The following SGIP1 variants were observed in gnomAD, a reference collection of about 807,000 sequenced individuals.
The protein encoded by SGIP1 is SH3GL interacting endocytic adaptor 1.
SGIP1 carries 38 observed loss-of-function variants against 107.5 expected under a neutral mutation model. The ratio of observed to expected loss-of-function variants is 0.35; its 90% CI spans 0.27 to 0.46. The LOEUF (loss-of-function observed/expected upper bound fraction) is 0.46, where lower values mean the gene tolerates loss of function less well. Ranked by LOEUF, SGIP1 falls within the 20% of genes least tolerant of loss-of-function variation. The probability of loss-of-function intolerance (pLI) is 1.00; values close to 1 mark genes in which losing one functional copy is unlikely to be tolerated. For synonymous variants in SGIP1, 365 were observed against 366.1 expected, an observed-to-expected ratio of 1.00 and a Z score of 0.03; for missense variants, 929 against 1,019.5, an observed-to-expected ratio of 0.91 and a Z score of 1.21.
intron 1 of SGIP1, among the ~76,000 whole-genome samples, chr1:66,569,758 T>A (rs1329276547): frequency 6.6e-6 from 1 of 151,836 alleles, no homozygotes; most frequent in African/African-American, 2.4e-5. Context: ...TTAGTAAATA[T>A]CCTTTCTTCT....
rs890229895 is a variant in SGIP1 at position 66,741,774 on chromosome 1, T to TA, written c.2464+338_2464+339insA. The stretch of plus-strand genomic sequence containing the variant: ...TTTTTGCCTTTTATTTTTATTTATT[T>TA]TTTTTTTTGGTGAGACGGAGTCTCT... On this transcript the variant is annotated intron_variant, in intron 24 of 24. Transcript: ENST00000371037. 9.2e-5 allele frequency among the ~76,000 whole-genome samples: 14 copies of TA among 152,026 alleles called. No individual in the cohort carries two copies. In the South Asian group the frequency reaches 1.0e-3, roughly 11 times the overall value.
At chr1:66,699,274 G>A (rs1393000842) in intron 18 of SGIP1, among the ~76,000 whole-genome samples, 1 of 152,012 alleles carries the variant, frequency 6.6e-6, no homozygotes. Context: ...CCCTATTGCT[G>A]CTTCCAAAGC....
intron 1 of SGIP1, among the ~76,000 whole-genome samples, chr1:66,554,576 C>G (rs2057909848): frequency 6.6e-6 from 1 of 152,038 alleles, no homozygotes. Flanking sequence ...AAAATGCAAT[C>G]AAAACTTTGT....
At position 66,695,224 on chromosome 1, in the gene SGIP1, T is replaced by C; in HGVS notation, c.1571-210T>C. 3.9e-6 allele frequency: 4 copies of C among 1,035,784 alleles called. No homozygotes were observed. The South Asian group carries it at 6.5e-5, about 17-fold the overall frequency. 64.2% of individuals were successfully genotyped at this position (1,035,784 alleles called of 1,614,324 possible). On this transcript the variant is annotated intron_variant, in intron 17 of 24. Coordinates refer to ENST00000371037, the MANE Select transcript of SGIP1 (RefSeq NM_032291.4). ...ACATTCCCATTCCTTTAGGCCTCCA[T>C]AGCTTTGCTTTTGCTTTCTGTTTCC...
Position 66,679,668 on chromosome 1 carries a change from C to A in SGIP1, c.740-10C>A. On this transcript the variant is annotated splice_polypyrimidine_tract_variant and intron_variant, in intron 13 of 24. Coordinates refer to ENST00000371037, the MANE Select transcript of SGIP1 (RefSeq NM_032291.4). ...TGACCAATGATACTTAATTTCTCAT[C>A]TTTTTGCAGCACCTCCACCACTGCC... 3.1e-6 allele frequency: 5 copies of A among 1,602,510 alleles called. No individual in the cohort carries two copies. The highest frequency in any genetic ancestry group is 4.2e-6 in the Non-Finnish European group (5 of 1,176,536).
intron 1 of SGIP1, among the ~76,000 whole-genome samples, chr1:66,560,923 T>C (rs914242863): frequency 2.6e-4 from 39 of 152,086 alleles, no homozygotes; most frequent in African/African-American, 9.2e-4. Context: ...TAAAGAAAAG[T>C]GCACTTAGCA....
intron 1 of SGIP1, among the ~76,000 whole-genome samples, chr1:66,543,742 G>A (rs1182626563): frequency 1.3e-5 from 2 of 152,180 alleles, no homozygotes; most frequent in Admixed American, 6.5e-5. Flanking sequence ...CTCTGTGACT[G>A]GGTGACCTTG....
At chr1:66,588,182 C>T (rs564487750) in intron 1 of SGIP1, among the ~76,000 whole-genome samples, 4 of 152,002 alleles carry the variant, frequency 2.6e-5, no homozygotes, top group Non-Finnish European at 5.9e-5. Flanking sequence ...TTCTTTGATT[C>T]GGGAGATTGC....
At chr1:66,662,469 G>A (rs1207924526) in intron 8 of SGIP1, among the ~76,000 whole-genome samples, 1 of 152,140 alleles carries the variant, frequency 6.6e-6, no homozygotes, top group Non-Finnish European at 1.5e-5. Context: ...CTAAGACTAA[G>A]GTGTCATAGT....
chr1:66,580,239 A>T (rs1341541243), intron 1 of SGIP1, among the ~76,000 whole-genome samples: 1 of 152,010 alleles, frequency 6.6e-6, no homozygotes, highest in East Asian at 1.9e-4. Context: ...GCCCTATATA[A>T]CCTAAGGCCC....
chr1:66,556,202 G>A (rs1284675440), intron 1 of SGIP1, among the ~76,000 whole-genome samples: 6 of 152,048 alleles, frequency 3.9e-5, no homozygotes, highest in South Asian at 2.1e-4. Context: ...CATAATCCCC[G>A]GTGATATGCT....
chr1:66,681,102 T>C (rs2149984463), intron 14 of SGIP1, among the ~76,000 whole-genome samples: 1 of 152,368 alleles, frequency 6.6e-6, no homozygotes, highest in Non-Finnish European at 1.5e-5. Flanking sequence ...AGAAAAGAAA[T>C]TATTTAAAAA....
Position 66,682,010 on chromosome 1 carries a change from C to T in SGIP1, c.956C>T (p.Ser319Phe). ...EEKWVHFSDT[S>F]PEHVTPELTP... ...AAGTGGGTCCATTTTTCTGATACAT[C>T]CCCGGAACATGTTACTCCGGAGTTG... The change falls in exon 15 of 25, where the codon TCC becomes TTC. Residue 319 changes from serine to phenylalanine, a missense_variant. By Grantham distance (155) the Ser-to-Phe change is radical. This residue lies in a region of SGIP1 where 588 missense variants were observed against 588.6 expected (regional missense o/e 1.00). Transcript: ENST00000371037. 6.2e-7 allele frequency: 1 copy of T among 1,614,154 alleles called. No homozygotes were observed. Among genetic ancestry groups the T allele is most frequent in the Non-Finnish European group, 8.5e-7 (1 of 1,180,018 alleles).
In SGIP1 at chr1:66,682,142, C is replaced by G; in HGVS notation, c.1088C>G (p.Pro363Arg). 2 of 1,614,252 alleles carry G rather than the reference C, an allele frequency of 1.2e-6. No homozygotes were observed. The highest frequency in any genetic ancestry group is 2.2e-5 in the East Asian group (1 of 44,882). The change falls in exon 15 of 25, where the codon CCT (proline) becomes CGT (arginine). Residue 363 changes from proline to arginine, a missense_variant. Pro to Arg is a moderately radical substitution (Grantham distance 103, BLOSUM62 -2). Around this residue, in one of 2 missense-constraint regions of SGIP1, gnomAD observed 588 missense variants for 588.6 expected, o/e 1.00. Transcript: ENST00000371037. Reference protein sequence around the residue: ...GPPGPTGPPGPPGPPRNVLSP... With the variant: ...GPPGPTGPPGRPGPPRNVLSP... ...CCAGGTCCCACAGGCCCCCCAGGGCCTCCTGGGCCTCCTCGCAATGTACTA... is the reference window on the plus strand; with the variant it reads ...CCAGGTCCCACAGGCCCCCCAGGGCGTCCTGGGCCTCCTCGCAATGTACTA...
intron 1 of SGIP1, among the ~76,000 whole-genome samples, chr1:66,585,376 A>G (rs1439186518): frequency 6.6e-6 from 1 of 152,066 alleles, no homozygotes; most frequent in East Asian, 1.9e-4. Flanking sequence ...GCCTTCCCTC[A>G]TGGAGTCTGA....
At chr1:66,701,025 G>A (rs1351836549) in intron 18 of SGIP1, among the ~76,000 whole-genome samples, 5 of 152,012 alleles carry the variant, frequency 3.3e-5, no homozygotes, top group African/African-American at 1.2e-4. Flanking sequence ...AAACGCTTGG[G>A]CATTTTAAAT....
chr1:66,739,558 T>C, intron 22 of SGIP1, 21 bp downstream of exon 22: 2 of 1,612,364 alleles, frequency 1.2e-6, no homozygotes, highest in Non-Finnish European at 1.7e-6. Flanking sequence ...TCCTATTCTC[T>C]CCACCAAAGG....
intron 1 of SGIP1, among the ~76,000 whole-genome samples, chr1:66,567,114 A>G (rs2059761343): frequency 6.6e-6 from 1 of 152,014 alleles, no homozygotes; most frequent in South Asian, 2.1e-4. Flanking sequence ...TCTATCATTG[A>G]TGAGCATTTC....
chr1:66,544,015 T>C (rs1314945366), intron 1 of SGIP1, among the ~76,000 whole-genome samples: 1 of 152,182 alleles, frequency 6.6e-6, no homozygotes, highest in Non-Finnish European at 1.5e-5. Flanking sequence ...CATTGTTCTA[T>C]TGGGTGTTAC....
Sources: allele counts gnomAD v4.1 joint callset (sites outside exome capture counted in the v4.1 genomes callset), GRCh38; gene constraint gnomAD v4.1.1; regional missense constraint gnomAD v4.1.1; transcripts MANE v1.5; gene names NCBI Gene and HGNC (gene_info 2026-07-23, HGNC 2026-07-21).